Variants in TRPM3 observed in about 807,000 individuals in gnomAD.
TRPM3 encodes transient receptor potential cation channel subfamily M member 3, also known as long transient receptor potential channel 3.
Under a neutral mutation model 181.2 loss-of-function variants are expected in TRPM3, and 77 were observed. The observed-to-expected ratio is 0.42, with a 90% CI of 0.35 to 0.51. TRPM3 has a LOEUF of 0.51. TRPM3 is among the 20% of genes least tolerant of loss of function. The pLI, the probability that TRPM3 is intolerant of heterozygous loss-of-function variation, is 0.01. For missense variants in TRPM3, 1,759 were observed against 2,196.7 expected, an observed-to-expected ratio of 0.80 and a Z score of 3.98; for synonymous variants, 745 against 796.4, an observed-to-expected ratio of 0.94 and a Z score of 1.09.
At chr9:71,213,993 A>G (rs546239190) in intron 1 of TRPM3, among the ~76,000 whole-genome samples, 3 of 152,242 alleles carry the variant, frequency 2.0e-5, no homozygotes, top group African/African-American at 7.2e-5. Flanking sequence ...CTTTTCTTTA[A>G]ATGCTTTGTT....
At chr9:71,366,066 T>G (rs2092325864) in intron 1 of TRPM3, among the ~76,000 whole-genome samples, 1 of 152,146 alleles carries the variant, frequency 6.6e-6, no homozygotes, top group African/African-American at 2.4e-5. Context: ...AAAGAGCTTT[T>G]CAGAGATTGG....
chr9:70,864,449 G>A lies in TRPM3; in HGVS notation c.240C>T (p.Ser80=). The A allele has an allele frequency of 2.0e-6, 3 of 1,487,908 alleles. No homozygotes were observed. The highest frequency in any genetic ancestry group is 1.8e-4 in the Middle Eastern group (1 of 5,650). The allele number at this position is 1,487,908 out of a possible 1,614,324, so 92.2% of individuals were successfully genotyped here. A position where few individuals can be genotyped will look rare whatever the true frequency, so the allele number is the denominator to read the frequency against. Residue 80 remains serine, a synonymous_variant, in exon 2 of 26, where the codon AGC becomes AGT. Coordinates refer to ENST00000677713, the MANE Select transcript of TRPM3 (RefSeq NM_001366145.2). ...AAGATTACCTATGGGGGTCTTTGGT[G>A]CTGGGTATGATGTGGACACATTCTC... ...YKRECVHIIP[S]TKDPHRCCCG...
rs150046072 is a variant in TRPM3, at chr9:70,695,780, G to A, written c.1273-14202C>T. 4.7e-3 allele frequency among the ~76,000 whole-genome samples: 715 copies of A among 152,294 alleles called. 7 individuals are homozygous for A. Among genetic ancestry groups the A allele is most frequent in the Non-Finnish European group, 7.8e-3 (533 of 68,034 alleles). The stretch of plus-strand genomic sequence containing the variant: ...CAATCCCACAAAAGGATACTCCTTA[G>A]TTACTGTTACTCTTCCCATTTCTCA... On this transcript the variant is annotated intron_variant, in intron 8 of 25. Transcript: ENST00000677713.
At chr9:70,998,156 C>CATATATATACACATAT (rs1554794732) in intron 1 of TRPM3, among the ~76,000 whole-genome samples, 2 of 27,200 alleles carry the variant, frequency 7.4e-5, no homozygotes, top group African/African-American at 2.6e-4. Flanking sequence ...TATATATATA[C>CATATATATACACATAT]ATATATACAT....
chr9:70,555,301 C>T (rs2047397369), intron 22 of TRPM3, among the ~76,000 whole-genome samples: 1 of 152,200 alleles, frequency 6.6e-6, no homozygotes, highest in Admixed American at 6.5e-5. Context: ...GGGTAGGTAT[C>T]TTCCTTACAA....
intron 1 of TRPM3, among the ~76,000 whole-genome samples, chr9:71,431,218 G>C (rs1387987777): frequency 6.6e-6 from 1 of 152,050 alleles, no homozygotes; most frequent in Non-Finnish European, 1.5e-5. Context: ...CACTTAACAA[G>C]TGTTCCGTAA....
intron 6 of TRPM3, among the ~76,000 whole-genome samples, chr9:70,795,957 A>G (rs1182289306): frequency 6.6e-6 from 1 of 152,226 alleles, no homozygotes; most frequent in Non-Finnish European, 1.5e-5. Context: ...GGAAAAGCCA[A>G]CATTATTTTC....
chr9:71,009,974 T>C (rs964736218), intron 1 of TRPM3, among the ~76,000 whole-genome samples: 3 of 152,130 alleles, frequency 2.0e-5, no homozygotes, highest in East Asian at 1.9e-4. Flanking sequence ...GGAACACACA[T>C]TGGGGAAAAG....
At chr9:71,196,294 TATTGA>T (rs1372790063) in intron 1 of TRPM3, among the ~76,000 whole-genome samples, 2 of 50,514 alleles carry the variant, frequency 4.0e-5, no homozygotes, top group Non-Finnish European at 9.8e-5. Context: ...TTTCTGATAG[TATTGA>T]AGTTATGGCC....
chr9:70,590,940 A>T, intron 22 of TRPM3, 91 bp downstream of exon 22: 1 of 1,553,696 alleles, frequency 6.4e-7, no homozygotes, highest in Non-Finnish European at 8.9e-7. Context: ...TGAGCCATTT[A>T]TTGAGAACAA....
At chr9:70,682,144 T>A (rs1182858444) in intron 8 of TRPM3, among the ~76,000 whole-genome samples, 1 of 152,098 alleles carries the variant, frequency 6.6e-6, no homozygotes, top group East Asian at 1.9e-4. Flanking sequence ...CTGAATAGAC[T>A]AAGACAGCCT....
chr9:71,190,140 T>C (rs1006490992), intron 1 of TRPM3, among the ~76,000 whole-genome samples: 9 of 151,878 alleles, frequency 5.9e-5, no homozygotes, highest in African/African-American at 2.2e-4. Context: ...CTCAGTGGTG[T>C]TGACAGCTTA....
chr9:71,073,469 G>A (rs1336168012), intron 1 of TRPM3, among the ~76,000 whole-genome samples: 1 of 152,166 alleles, frequency 6.6e-6, no homozygotes, highest in Non-Finnish European at 1.5e-5. Flanking sequence ...GCTTGAGAAA[G>A]TGTAGAAGTC....
intron 12 of TRPM3, among the ~76,000 whole-genome samples, chr9:70,629,215 C>CGGGTGGCGG (rs2065250202): frequency 2.0e-4 from 2 of 10,162 alleles, no homozygotes; most frequent in African/African-American, 4.1e-4. Flanking sequence ...TGACCAGTGC[C>CGGGTGGCGG]GGGGGGGGGG....
Position 70,659,669 on chromosome 9 carries a change from T to G in TRPM3, c.1346-19009A>C, listed in dbSNP as rs765511048. Among the ~76,000 whole-genome samples the G allele has an allele frequency of 1.4e-3, 216 of 152,186 alleles. 1 individual carries two copies. The highest frequency in any genetic ancestry group is 4.0e-4 in the Non-Finnish European group (27 of 67,982). ...TGTTAGATTCTAGTCTTGTCTAATG[T>G]TTTTCAATTTTTATTATTTTCTACA... On this transcript the variant is annotated intron_variant, in intron 9 of 25. Coordinates refer to ENST00000677713, the MANE Select transcript of TRPM3 (RefSeq NM_001366145.2).
At chr9:70,895,733 T>C (rs1397195170) in intron 1 of TRPM3, among the ~76,000 whole-genome samples, 1 of 152,058 alleles carries the variant, frequency 6.6e-6, no homozygotes, top group Admixed American at 6.6e-5. Flanking sequence ...ATTTCACAGA[T>C]AGAGAAGGAC....
chr9:70,906,295 G>A (rs571575169), intron 1 of TRPM3, among the ~76,000 whole-genome samples: 26 of 152,190 alleles, frequency 1.7e-4, no homozygotes, highest in African/African-American at 6.0e-4. Flanking sequence ...AATGAGGAGG[G>A]ATGAAAAGAA....
At chr9:70,847,577 G>T (rs10868909) in intron 3 of TRPM3, among the ~76,000 whole-genome samples, 32,936 of 152,032 alleles carry the variant, frequency 0.22, 4,413 homozygotes, top group Non-Finnish European at 0.29. Context: ...GGAATTGAAT[G>T]ATTTTATGGG....
intron 6 of TRPM3, among the ~76,000 whole-genome samples, chr9:70,793,162 T>C (rs1757332094): frequency 6.6e-6 from 1 of 152,178 alleles, no homozygotes; most frequent in African/African-American, 2.4e-5. Flanking sequence ...TTATAAAGAA[T>C]ACCCATTTAT....
Sources: allele counts gnomAD v4.1 joint callset (sites outside exome capture counted in the v4.1 genomes callset), GRCh38; gene constraint gnomAD v4.1.1; transcripts MANE v1.5; gene names NCBI Gene and HGNC (gene_info 2026-07-23, HGNC 2026-07-21).